Variants in CDH4 observed in about 807,000 individuals in gnomAD.
CDH4 encodes the protein cadherin-4.
Under a neutral mutation model 86.0 loss-of-function variants are expected in CDH4, and 33 were observed. That is an observed-to-expected ratio of 0.38 (90% CI 0.29 to 0.51). The LOEUF is 0.51. Among genes scored for constraint, CDH4 ranks in the 20% least tolerant of loss-of-function variants. The pLI is 0.86. For missense variants in CDH4, 1,114 were observed against 1,307.4 expected (o/e 0.85, Z 2.28); for synonymous variants, 555 against 549.4 (o/e 1.01, Z -0.14).
intron 6 of CDH4, among the ~76,000 whole-genome samples, chr20:61,857,424 C>A (rs994489916): frequency 6.6e-6 from 1 of 152,210 alleles, no homozygotes; most frequent in Non-Finnish European, 1.5e-5. Flanking sequence ...ATTTCAAGTT[C>A]CCCAGAAAGT....
chr20:61,802,768 G>A (rs1979898672), intron 4 of CDH4, among the ~76,000 whole-genome samples: 1 of 152,212 alleles, frequency 6.6e-6, no homozygotes, highest in Non-Finnish European at 1.5e-5. Context: ...GGCGATGCCT[G>A]GGAGGAGAGG....
rs371471623 is a variant in CDH4 at position 61,365,487 on chromosome 20, G to A, written c.169+110550G>A. Among the ~76,000 whole-genome samples, 23 of 152,214 alleles carry A rather than the reference G, an allele frequency of 1.5e-4. 1 individual carries two copies. Among genetic ancestry groups the A allele is most frequent in the South Asian group, 8.3e-4 (4 of 4,820 alleles). ...ATGAGGAGCAAAGGGGACAGGAGGC[G>A]GCACTCACTATCTCCAGAGGACCCA... On this transcript the variant is annotated intron_variant, in intron 2 of 15. Transcript: ENST00000614565.
chr20:61,834,858 G>T (rs1981793076), intron 4 of CDH4, among the ~76,000 whole-genome samples: 1 of 152,222 alleles, frequency 6.6e-6, no homozygotes, highest in South Asian at 2.1e-4. Flanking sequence ...CTTCTGTGCA[G>T]TGACAGCTCT....
intron 2 of CDH4, among the ~76,000 whole-genome samples, chr20:61,284,550 T>TA (rs1473333620): frequency 6.6e-6 from 1 of 152,204 alleles, no homozygotes; most frequent in South Asian, 2.1e-4. Context: ...GGTGCCTTCT[T>TA]AGAGTTTGTC....
At chr20:61,801,310 C>T (rs1427253834) in intron 4 of CDH4, among the ~76,000 whole-genome samples, 1 of 152,088 alleles carries the variant, frequency 6.6e-6, no homozygotes, top group Non-Finnish European at 1.5e-5. Context: ...GGTGTCCAGC[C>T]GCATCAGCCA....
At chr20:61,778,364 A>T (rs1044107948) in intron 4 of CDH4, among the ~76,000 whole-genome samples, 1 of 152,196 alleles carries the variant, frequency 6.6e-6, no homozygotes, top group African/African-American at 2.4e-5. Context: ...ATGTTAAACG[A>T]AAAAACGAGC....
At position 61,676,018 on chromosome 20, in the gene CDH4, G is replaced by C. The variant is rs920285617; in HGVS notation, c.170-67545G>C. ...CAGGCTCAGGCTCCTGGCACTGCCT[G>C]CTTAGGACCCTCAGACGGCCTCAGG... On this transcript the variant is annotated intron_variant, in intron 2 of 15. Transcript: ENST00000614565. This position sits in a 1 kb window ranked among gnomAD's most constrained non-coding sequence, Gnocchi z 4.5. 6.6e-6 allele frequency among the ~76,000 whole-genome samples: 1 copy of C among 152,224 alleles called. No homozygotes were observed. Among genetic ancestry groups the C allele is most frequent in the African/African-American group, 2.4e-5 (1 of 41,466 alleles).
chr20:61,259,250 A>C (rs1230603856), intron 2 of CDH4, among the ~76,000 whole-genome samples: 2 of 152,222 alleles, frequency 1.3e-5, no homozygotes, highest in South Asian at 4.1e-4. Flanking sequence ...ATCCATATCT[A>C]AGAATCTGCC....
intron 2 of CDH4, among the ~76,000 whole-genome samples, chr20:61,558,972 T>C (rs1455438476): frequency 6.6e-6 from 1 of 152,162 alleles, no homozygotes; most frequent in Non-Finnish European, 1.5e-5. Flanking sequence ...CTTTAAAGAC[T>C]AAATTATTTT....
At chr20:61,719,308 A>C in intron 2 of CDH4, 1 of 361,260 alleles carries the variant, frequency 2.8e-6, no homozygotes, top group Non-Finnish European at 5.7e-6. Context: ...TCATTGCAGA[A>C]TCTTCCAAGG....
intron 2 of CDH4, among the ~76,000 whole-genome samples, chr20:61,693,798 C>T (rs6061748): frequency 0.5 from 74,918 of 151,324 alleles, 19,133 homozygotes; most frequent in East Asian, 0.74. Context: ...TGAGGCAGGA[C>T]TTGGTGCTAT....
chr20:61,257,854 A>G (rs1273110122), intron 2 of CDH4, among the ~76,000 whole-genome samples: 1 of 152,230 alleles, frequency 6.6e-6, no homozygotes, highest in East Asian at 1.9e-4. Flanking sequence ...GACCCGATTC[A>G]TAACTCGTAG....
In CDH4 at chr20:61,392,079, G is replaced by T. The variant is rs914973888; in HGVS notation, c.169+137142G>T. ...CTTGCCGTGGGTTTCAGCATCGCGGGGGCTGTGGAGAAAGGCCTAGAGAGC... is the reference window on the plus strand; with the variant it reads ...CTTGCCGTGGGTTTCAGCATCGCGGTGGCTGTGGAGAAAGGCCTAGAGAGC... On this transcript the variant is annotated intron_variant, in intron 2 of 15. Transcript: ENST00000614565. This position sits in a 1 kb window ranked among gnomAD's most constrained non-coding sequence, Gnocchi z 5.7. Among the ~76,000 whole-genome samples, 2 of 152,054 alleles carry T rather than the reference G, an allele frequency of 1.3e-5. No homozygotes were observed. The highest frequency in any genetic ancestry group is 4.8e-5 in the African/African-American group (2 of 41,382).
intron 2 of CDH4, among the ~76,000 whole-genome samples, chr20:61,644,935 C>A (rs998989499): frequency 1.3e-5 from 2 of 152,184 alleles, no homozygotes; most frequent in Admixed American, 6.5e-5. Context: ...AGGAAGGGAC[C>A]CCGTCAGCCG....
intron 14 of CDH4, 109 bp from the exon 15 acceptor site, chr20:61,933,947 C>A: frequency 7.8e-7 from 1 of 1,288,322 alleles, no homozygotes. Flanking sequence ...GACCAGGCCA[C>A]AGGGCAGCAG....
rs869283452 is a variant in CDH4 at position 61,843,456 on chromosome 20, C to CAAAAAAA, written c.577-1196_577-1190dup. On this transcript the variant is annotated intron_variant, in intron 4 of 15. Coordinates refer to ENST00000614565, the MANE Select transcript of CDH4 (RefSeq NM_001794.5). The stretch of plus-strand genomic sequence containing the variant: ...TGGGCGACAGAGCGAGACTCCGTCT[C>CAAAAAAA]AAAAAAAAAAAAAAAAAAAAAAGCC... 1.1e-3 allele frequency among the ~76,000 whole-genome samples: 65 copies of CAAAAAAA among 58,796 alleles called. 3 individuals are homozygous for CAAAAAAA. The highest frequency in any genetic ancestry group is 4.1e-3 in the African/African-American group (53 of 13,004). 38.6% of individuals were successfully genotyped at this position (58,796 alleles called of 152,430 possible).
At chr20:61,284,738 A>G (rs573242943) in intron 2 of CDH4, among the ~76,000 whole-genome samples, 3 of 152,360 alleles carry the variant, frequency 2.0e-5, no homozygotes, top group Non-Finnish European at 2.9e-5. Context: ...GAAGCCCCCA[A>G]TGCAATGTTT....
chr20:61,816,537 C>T (rs1176804075), intron 4 of CDH4, among the ~76,000 whole-genome samples: 1 of 152,224 alleles, frequency 6.6e-6, no homozygotes, highest in Non-Finnish European at 1.5e-5. Context: ...ATTCTCTCTG[C>T]TCCCTGAGAC....
At chr20:61,348,176 C>T (rs1242246229) in intron 2 of CDH4, among the ~76,000 whole-genome samples, 2 of 152,154 alleles carry the variant, frequency 1.3e-5, no homozygotes, top group South Asian at 2.1e-4. Context: ...GTTTAATGGA[C>T]TCGCAGTTCC....
Sources: allele counts gnomAD v4.1 joint callset (sites outside exome capture counted in the v4.1 genomes callset), GRCh38; gene constraint gnomAD v4.1.1; non-coding constraint Gnocchi (gnomAD v3.1); transcripts MANE v1.5; gene names NCBI Gene and HGNC (gene_info 2026-07-23, HGNC 2026-07-21).